The following CFAP276 variants were observed in gnomAD, a reference collection of about 807,000 sequenced individuals.
CFAP276 encodes cilia and flagella associated protein 276.
At chr1:109,108,808 AG>A in the CFAP276 span, among the ~76,000 whole-genome samples, 1 of 152,152 alleles carries the variant, frequency 6.6e-6, no homozygotes, top group Non-Finnish European at 1.5e-5. Flanking sequence ...CGGGTTTGTG[AG>A]GATTGTACAG....
chr1:109,108,037 T>G, the CFAP276 span: 3 of 1,599,054 alleles, frequency 1.9e-6, no homozygotes, highest in Non-Finnish European at 2.6e-6. Flanking sequence ...TATGGCAATT[T>G]CTGCAAAAGA....
At chr1:109,106,672 A>G in the CFAP276 span, 1 of 1,612,854 alleles carries the variant, frequency 6.2e-7, no homozygotes, top group Non-Finnish European at 8.5e-7. Context: ...AGAAGAAGGC[A>G]TAGGGAAGAA....
chr1:109,110,351 C>G, the CFAP276 span, among the ~76,000 whole-genome samples: 3 of 152,200 alleles, frequency 2.0e-5, no homozygotes, highest in Non-Finnish European at 4.4e-5. Context: ...TAGCTCACTG[C>G]AGTCTGGCCT....
At chr1:109,110,107 C>G in the CFAP276 span, among the ~76,000 whole-genome samples, 1 of 152,144 alleles carries the variant, frequency 6.6e-6, no homozygotes, top group Non-Finnish European at 1.5e-5. Flanking sequence ...CTTTCCATCT[C>G]AGGGAAAGGA....
At chr1:109,107,142 C>G in the CFAP276 span, 30,719 of 1,594,728 alleles carry the variant, frequency 0.019, 377 homozygotes, top group Non-Finnish European at 0.023. Flanking sequence ...TCAGTCCCCC[C>G]CAAGGTTAGC....
At chr1:109,110,522 G>T in the CFAP276 span, among the ~76,000 whole-genome samples, 1 of 152,150 alleles carries the variant, frequency 6.6e-6, no homozygotes, top group African/African-American at 2.4e-5. Context: ...TGTGGGCCCA[G>T]CTCCTCTGGG....
the CFAP276 span, among the ~76,000 whole-genome samples, chr1:109,113,392 C>CAGAG: frequency 3.3e-5 from 3 of 91,336 alleles, no homozygotes; most frequent in South Asian, 3.3e-4. Context: ...GACCCTGTCT[C>CAGAG]AGAGAGAGAG....
At chr1:109,106,060 G>A in the CFAP276 span, 64 of 1,613,592 alleles carry the variant, frequency 4.0e-5, no homozygotes, top group Non-Finnish European at 4.9e-5. Flanking sequence ...TCTTTCTTTC[G>A]GGAGTAGCCT....
chr1:109,108,149 GT>G, the CFAP276 span: 1 of 840,934 alleles, frequency 1.2e-6, no homozygotes, highest in Non-Finnish European at 1.9e-6. Flanking sequence ...TTTTTGTTTT[GT>G]TTTATTTTTT....
At chr1:109,111,905 T>C in the CFAP276 span, among the ~76,000 whole-genome samples, 1 of 152,246 alleles carries the variant, frequency 6.6e-6, no homozygotes, top group African/African-American at 2.4e-5. Context: ...TGTCGGTCTC[T>C]CTTTACTACT....
the CFAP276 span, among the ~76,000 whole-genome samples, chr1:109,109,052 A>C: frequency 6.6e-6 from 1 of 152,206 alleles, no homozygotes; most frequent in Admixed American, 6.5e-5. Context: ...CATATTCACC[A>C]CTGTATCCCC....
the CFAP276 span, chr1:109,106,184 G>C: frequency 2.6e-6 from 3 of 1,151,342 alleles, no homozygotes; most frequent in Non-Finnish European, 3.8e-6. Flanking sequence ...ACATTTGTAG[G>C]TACTGTGGAG....
chr1:109,113,388 GTC>G, the CFAP276 span, among the ~76,000 whole-genome samples: 3,275 of 124,538 alleles, frequency 0.026, 89 homozygotes, highest in African/African-American at 0.067. Context: ...GTGAGACCCT[GTC>G]TCAGAGAGAG....
At chr1:109,112,297 T>C in the CFAP276 span, among the ~76,000 whole-genome samples, 1 of 152,180 alleles carries the variant, frequency 6.6e-6, no homozygotes, top group Non-Finnish European at 1.5e-5. Flanking sequence ...GTCTTCCAAA[T>C]AGGGAAATGG....
At chr1:109,108,096 G>T in the CFAP276 span, 2 of 1,269,668 alleles carry the variant, frequency 1.6e-6, no homozygotes, top group Non-Finnish European at 2.3e-6. Flanking sequence ...TTGCTGATGT[G>T]GTTAGCTTCA....
the CFAP276 span, among the ~76,000 whole-genome samples, chr1:109,113,415 AAAGAGAGAGAG>A: frequency 4.1e-3 from 466 of 113,690 alleles, 6 homozygotes; most frequent in African/African-American, 0.015. Context: ...AGAGAGAGAG[AAAGAGAGAGAG>A]AGAGAGAGAG....
At chr1:109,109,921 G>A in the CFAP276 span, among the ~76,000 whole-genome samples, 1 of 152,092 alleles carries the variant, frequency 6.6e-6, no homozygotes, top group African/African-American at 2.4e-5. Context: ...GAAAGCTACA[G>A]GTATTTGATG....
the CFAP276 span, among the ~76,000 whole-genome samples, chr1:109,113,469 G>GAGAGAGA: frequency 6.7e-5 from 5 of 74,932 alleles, no homozygotes; most frequent in African/African-American, 2.3e-4. Flanking sequence ...AGAGAGAGAG[G>GAGAGAGA]CCCACGTGCG....
chr1:109,109,298 A>G, the CFAP276 span, among the ~76,000 whole-genome samples: 2 of 151,546 alleles, frequency 1.3e-5, no homozygotes, highest in African/African-American at 4.8e-5. Flanking sequence ...AAATACAAAA[A>G]TTAGCTGGGG....
Sources: gnomAD v4.1 joint callset for allele counts (sites outside exome capture counted in the v4.1 genomes callset) on GRCh38, gnomAD v4.1.1 for gene constraint, MANE v1.5 for transcripts, NCBI Gene and HGNC (gene_info 2026-07-23, HGNC 2026-07-21) for gene names.